Variants in TMEM120B observed in about 807,000 individuals in gnomAD.
The protein encoded by TMEM120B is transmembrane protein 120B.
Under a neutral mutation model 55.5 loss-of-function variants are expected in TMEM120B, and 31 were observed. That is an observed-to-expected ratio of 0.56 (90% CI 0.42 to 0.75). The LOEUF (loss-of-function observed/expected upper bound fraction) is 0.75. TMEM120B is among the 30% of genes least tolerant of loss of function. The pLI, the probability that TMEM120B is intolerant of heterozygous loss-of-function variation, is 0.00. For missense variants in TMEM120B, 399 were observed against 425.5 expected (o/e 0.94, Z 0.55); for synonymous variants, 203 against 176.3 (o/e 1.15, Z -1.20).
intron 6 of TMEM120B, among the ~76,000 whole-genome samples, chr12:121,765,085 C>T (rs1385932680): frequency 6.6e-6 from 1 of 151,894 alleles, no homozygotes; most frequent in Non-Finnish European, 1.5e-5. Context: ...ACTCTGCCTC[C>T]TGGGAGCACC....
At position 121,733,931 on chromosome 12, in the gene TMEM120B, T is replaced by A. The variant is rs145097650; in HGVS notation, c.70-9698T>A. On this transcript the variant is annotated intron_variant, in intron 1 of 11. Transcript: ENST00000449592. ...AATGTATATTCTGATACTGTTAATATACTTTTAAAAAACCCAAAGGATGTG... is the reference window on the plus strand; with the variant it reads ...AATGTATATTCTGATACTGTTAATAAACTTTTAAAAAACCCAAAGGATGTG... Among the ~76,000 whole-genome samples the A allele has an allele frequency of 2.0e-5, 3 of 152,282 alleles. No homozygotes were observed. The East Asian group carries it at 5.8e-4, about 29-fold the overall frequency.
At chr12:121,752,767 C>G (rs1246499390) in intron 5 of TMEM120B, among the ~76,000 whole-genome samples, 1 of 151,568 alleles carries the variant, frequency 6.6e-6, no homozygotes, top group East Asian at 2.0e-4. Context: ...AAGGAGTTCA[C>G]TGTGGTCTAT....
intron 1 of TMEM120B, among the ~76,000 whole-genome samples, chr12:121,715,548 TAGA>T (rs1390510647): frequency 6.6e-6 from 1 of 152,130 alleles, no homozygotes; most frequent in Non-Finnish European, 1.5e-5. Flanking sequence ...GCAAGGGTTG[TAGA>T]AGAAGGTCTG....
At position 121,779,637 on chromosome 12, in the gene TMEM120B, C is replaced by CGGATCTGT; in HGVS notation, c.*3916_*3923dup. ...GGAACATTCCAGGTAGAGAGCAGCT[C>CGGATCTGT]GGATCTGTTCGCAGGCGCTCAGGCC... is the stretch of plus-strand genomic sequence containing the variant. On this transcript the variant is annotated 3_prime_UTR_variant, in exon 12 of 12. Coordinates refer to ENST00000449592, the MANE Select transcript of TMEM120B (RefSeq NM_001080825.2). 4 of 1,614,070 alleles carry CGGATCTGT rather than the reference C, an allele frequency of 2.5e-6. No homozygotes were observed. The South Asian group carries it at 4.4e-5, about 18-fold the overall frequency.
intron 2 of TMEM120B, among the ~76,000 whole-genome samples, chr12:121,747,895 G>T (rs111804030): frequency 1.5e-4 from 1 of 6,896 alleles, no homozygotes; most frequent in Admixed American, 1.4e-3. Context: ...AAGGTGGGAG[G>T]CTGGGGTAGA....
rs1006132673 is a variant in TMEM120B at position 121,777,889 on chromosome 12, T to C, written c.*2167T>C. On this transcript the variant is annotated 3_prime_UTR_variant, in exon 12 of 12. Transcript: ENST00000449592. ...TCGAGAACAAGAACTCCTTGGTTGA[T>C]TCCCCAGGGTACGGCAGGGCCTTGG... 1 of 152,216 alleles carries C rather than the reference T, an allele frequency of 6.6e-6. No individual in the cohort carries two copies. The highest frequency in any genetic ancestry group is 1.9e-4 in the East Asian group (1 of 5,198). 9.4% of individuals were successfully genotyped at this position (152,216 alleles called of 1,614,324 possible).
chr12:121,730,600 G>A lies in TMEM120B; in HGVS notation c.70-13029G>A, dbSNP rs145637591. ...CAGGAGGCGGAGGTTTCAGTGAGCC[G>A]AGATCACTCCACTGCACTCCAGCCT... On this transcript the variant is annotated intron_variant, in intron 1 of 11. Transcript: ENST00000449592. 1.5e-3 allele frequency among the ~76,000 whole-genome samples: 206 copies of A among 141,672 alleles called. 1 individual carries two copies. In the East Asian group the frequency reaches 0.04, roughly 27 times the overall value. 92.9% of individuals were successfully genotyped at this position (141,672 alleles called of 152,430 possible).
chr12:121,781,223 A>G lies in TMEM120B; in HGVS notation c.*5501A>G, dbSNP rs749784411. On this transcript the variant is annotated 3_prime_UTR_variant, in exon 12 of 12. Coordinates refer to ENST00000449592, the MANE Select transcript of TMEM120B (RefSeq NM_001080825.2). ...AGCACAGAGCAGCGGGGGTCAGGGG[A>G]CGTCCCCTCCCTGTCTGGACTCTGA... 15 of 1,597,188 alleles carry G rather than the reference A, an allele frequency of 9.4e-6. No individual in the cohort carries two copies. The highest frequency in any genetic ancestry group is 1.3e-5 in the Non-Finnish European group (15 of 1,165,264).
At chr12:121,744,179 C>T (rs1487921027) in intron 2 of TMEM120B, among the ~76,000 whole-genome samples, 1 of 152,038 alleles carries the variant, frequency 6.6e-6, no homozygotes, top group African/African-American at 2.4e-5. Flanking sequence ...CTGCCTCAGC[C>T]TCCTGAGTAG....
At position 121,712,849 on chromosome 12, in the gene TMEM120B, G is replaced by C; in HGVS notation, c.-47G>C. On this transcript the variant is annotated 5_prime_UTR_variant, in exon 1 of 12. Coordinates refer to ENST00000449592, the MANE Select transcript of TMEM120B (RefSeq NM_001080825.2). Reference sequence around the variant, plus strand: ...GGGGCGCTGGGGGGCCGGTCGGGCAGCGCTGCGGGAGCAGCCGCCGGCACC... The same window carrying C: ...GGGGCGCTGGGGGGCCGGTCGGGCACCGCTGCGGGAGCAGCCGCCGGCACC... 1 of 1,376,804 alleles carries C rather than the reference G, an allele frequency of 7.3e-7. No individual in the cohort carries two copies. Among genetic ancestry groups the C allele is most frequent in the Non-Finnish European group, 9.5e-7 (1 of 1,057,660 alleles). The allele number at this position is 1,376,804 out of a possible 1,614,324, so 85.3% of individuals were successfully genotyped here. A position where few individuals can be genotyped will look rare whatever the true frequency, so the allele number is the denominator to read the frequency against.
chr12:121,746,502 A>T (rs1389533390), intron 2 of TMEM120B, among the ~76,000 whole-genome samples: 1 of 151,606 alleles, frequency 6.6e-6, no homozygotes, highest in Non-Finnish European at 1.5e-5. Flanking sequence ...TGTTTTCTTT[A>T]ATTAATTTTT....
chr12:121,749,434 C>T (rs970357061), intron 3 of TMEM120B, among the ~76,000 whole-genome samples: 11 of 152,208 alleles, frequency 7.2e-5, no homozygotes, highest in African/African-American at 2.7e-4. Context: ...GTCATCCCAG[C>T]ACTTCGGGAG....
chr12:121,766,698 A>G (rs1416538449), intron 6 of TMEM120B, among the ~76,000 whole-genome samples: 3 of 152,254 alleles, frequency 2.0e-5, no homozygotes. Flanking sequence ...CCAGCCACCC[A>G]GACTGAGTGT....
intron 5 of TMEM120B, among the ~76,000 whole-genome samples, chr12:121,760,377 A>C (rs1473538364): frequency 1.3e-5 from 2 of 148,996 alleles, no homozygotes; most frequent in African/African-American, 5.1e-5. Context: ...GTGCCCTTTG[A>C]CCTGGGGTCT....
intron 4 of TMEM120B, 31 bp from the exon 5 acceptor site, chr12:121,752,097 G>T: frequency 2.5e-6 from 4 of 1,585,890 alleles, no homozygotes; most frequent in Non-Finnish European, 3.5e-6. Context: ...CATGGTAAGG[G>T]GCACACCCCT....
intron 1 of TMEM120B, among the ~76,000 whole-genome samples, chr12:121,735,143 A>C (rs1895082384): frequency 6.9e-6 from 1 of 144,538 alleles, no homozygotes; most frequent in East Asian, 2.1e-4. Flanking sequence ...CCAAGATCGC[A>C]CCAGTGCACT....
At chr12:121,755,382 G>A (rs746768117) in intron 5 of TMEM120B, among the ~76,000 whole-genome samples, 50 of 152,346 alleles carry the variant, frequency 3.3e-4, no homozygotes, top group Non-Finnish European at 5.0e-4. Flanking sequence ...CTCCTTGGGC[G>A]TTTGGAGGCT....
rs1197744538 is a variant in TMEM120B, at chr12:121,775,422, C to T, written c.907-187C>T. The T allele has an allele frequency of 1.0e-6, 1 of 985,120 alleles. No individual in the cohort carries two copies. Among genetic ancestry groups the T allele is most frequent in the African/African-American group, 1.7e-5 (1 of 57,166 alleles). 61.0% of individuals were successfully genotyped at this position (985,120 alleles called of 1,614,324 possible). A position where few individuals can be genotyped will look rare whatever the true frequency, so the allele number is the denominator to read the frequency against. On this transcript the variant is annotated intron_variant, in intron 11 of 11. Transcript: ENST00000449592. This position sits in a 1 kb window ranked among gnomAD's most constrained non-coding sequence, Gnocchi z 4.3. ...CCAAGGAGGTTCGCCCCATCGAGCCCTTCCCAGGCCCTGCCCAAGCCTGAG... is the reference window on the plus strand; with the variant it reads ...CCAAGGAGGTTCGCCCCATCGAGCCTTTCCCAGGCCCTGCCCAAGCCTGAG...
intron 10 of TMEM120B, 76 bp downstream of exon 10, chr12:121,774,798 C>G (rs1464010540): frequency 6.6e-7 from 1 of 1,516,702 alleles, no homozygotes; most frequent in Non-Finnish European, 9.0e-7. Flanking sequence ...AGGCCTTGCC[C>G]TCCTTCTCCA....
Sources: allele counts gnomAD v4.1 joint callset (sites outside exome capture counted in the v4.1 genomes callset), GRCh38; gene constraint gnomAD v4.1.1; non-coding constraint Gnocchi (gnomAD v3.1); transcripts MANE v1.5; gene names NCBI Gene and HGNC (gene_info 2026-07-23, HGNC 2026-07-21).